Variants in ASTN2 observed in about 807,000 individuals in gnomAD.
The protein encoded by ASTN2 is astrotactin-2.
Under a neutral mutation model 139.8 loss-of-function variants are expected in ASTN2, and 54 were observed. That is an observed-to-expected ratio of 0.39 (90% CI 0.31 to 0.48). The LOEUF is 0.48. ASTN2 is among the 20% of genes least tolerant of loss of function. ASTN2 has a pLI of 0.95. For missense variants in ASTN2, 1,565 were observed against 1,725.1 expected (o/e 0.91, Z 1.64); for synonymous variants, 756 against 719.5 (o/e 1.05, Z -0.81).
chr9:116,978,433 T>C (rs1365821675), intron 7 of ASTN2, among the ~76,000 whole-genome samples: 1 of 152,000 alleles, frequency 6.6e-6, no homozygotes, highest in East Asian at 1.9e-4. Context: ...GTAATCACAT[T>C]ATCTCATTAT....
At chr9:116,485,739 C>T (rs976977139) in intron 20 of ASTN2, among the ~76,000 whole-genome samples, 3 of 152,160 alleles carry the variant, frequency 2.0e-5, no homozygotes, top group Admixed American at 6.5e-5. Flanking sequence ...TTCACTGCCC[C>T]CCAGGTGACT....
chr9:116,899,347 A>ATGGGC (rs1833951883), intron 10 of ASTN2, among the ~76,000 whole-genome samples: 2 of 152,272 alleles, frequency 1.3e-5, no homozygotes, highest in African/African-American at 4.8e-5. Flanking sequence ...TTGCTTTTAC[A>ATGGGC]TGGGCTGTTT....
chr9:116,457,297 G>T (rs1370081239), intron 20 of ASTN2, among the ~76,000 whole-genome samples: 3 of 152,086 alleles, frequency 2.0e-5, no homozygotes, highest in South Asian at 4.1e-4. Flanking sequence ...TCTGAGCAAA[G>T]ATTTCTTGAG....
chr9:117,103,789 C>A (rs1564427146), intron 4 of ASTN2, among the ~76,000 whole-genome samples: 1 of 152,110 alleles, frequency 6.6e-6, no homozygotes, highest in Non-Finnish European at 1.5e-5. Flanking sequence ...CCCATCTGAC[C>A]CCCAACCATC....
intron 5 of ASTN2, among the ~76,000 whole-genome samples, chr9:117,045,072 A>T (rs1838692068): frequency 6.6e-6 from 1 of 152,114 alleles, no homozygotes; most frequent in Non-Finnish European, 1.5e-5. Flanking sequence ...TCATGTAGAA[A>T]GTGTGGCCTT....
At chr9:116,986,081 G>A (rs536515676) in intron 7 of ASTN2, among the ~76,000 whole-genome samples, 1 of 152,230 alleles carries the variant, frequency 6.6e-6, no homozygotes, top group African/African-American at 2.4e-5. Flanking sequence ...CAGACGTGTA[G>A]GCAGCACTTG....
At chr9:116,943,942 C>T (rs1188528423) in intron 10 of ASTN2, among the ~76,000 whole-genome samples, 2 of 152,008 alleles carry the variant, frequency 1.3e-5, no homozygotes, top group African/African-American at 4.8e-5. Flanking sequence ...CAAAGTTCTG[C>T]CCTCCAAGAG....
intron 6 of ASTN2, among the ~76,000 whole-genome samples, chr9:117,014,907 G>T (rs116475851): frequency 0.016 from 2,459 of 152,266 alleles, 74 homozygotes; most frequent in African/African-American, 0.057. Context: ...CTAACCTCCA[G>T]AAATATGAGA....
chr9:117,205,867 T>C (rs915705649), intron 3 of ASTN2, among the ~76,000 whole-genome samples: 3 of 152,114 alleles, frequency 2.0e-5, no homozygotes, highest in Non-Finnish European at 2.9e-5. Context: ...TAAAGGAAAA[T>C]AGCTAAATTC....
chr9:117,144,660 G>GTTTTTTTTTTTTTTTTTTTTTT (rs71379267), intron 3 of ASTN2, among the ~76,000 whole-genome samples: 1 of 78,350 alleles, frequency 1.3e-5, no homozygotes, highest in African/African-American at 6.0e-5. Context: ...GTGAACACTA[G>GTTTTTTTTTTTTTTTTTTTTTT]TTTTTTTTTT....
Position 116,867,261 on chromosome 9 carries a change from C to G in ASTN2, c.1890-3528G>C, listed in dbSNP as rs546029877. ...AAACAGAACAAATGTGTAAGTGTGC[C>G]GAGGAGAGGGAGAGAAGGTGGGAGG... On this transcript the variant is annotated intron_variant, in intron 10 of 22. Coordinates refer to ENST00000313400, the MANE Select transcript of ASTN2 (RefSeq NM_001365068.1). Among the ~76,000 whole-genome samples the G allele has an allele frequency of 2.0e-5, 3 of 151,404 alleles. No homozygotes were observed. The South Asian group carries it at 6.3e-4, about 32-fold the overall frequency.
chr9:116,698,169 G>A lies in ASTN2; in HGVS notation c.2806+27602C>T, dbSNP rs1588215713. ...TACACTCCCTGTCAAAGAAGCAGCTGAGGAGCGGCGTCGGGACTTTGGAGA... is the reference window on the plus strand; with the variant it reads ...TACACTCCCTGTCAAAGAAGCAGCTAAGGAGCGGCGTCGGGACTTTGGAGA... On this transcript the variant is annotated intron_variant, in intron 16 of 22. Transcript: ENST00000313400. The surrounding 1 kb of genome is among the most constrained non-coding windows in gnomAD (Gnocchi z 4.4). The A allele has an allele frequency of 6.2e-7, 1 of 1,614,194 alleles. No homozygotes were observed. The highest frequency in any genetic ancestry group is 8.5e-7 in the Non-Finnish European group (1 of 1,180,048).
intron 10 of ASTN2, among the ~76,000 whole-genome samples, chr9:116,904,737 A>G (rs1234007596): frequency 6.6e-6 from 1 of 152,222 alleles, no homozygotes; most frequent in Non-Finnish European, 1.5e-5. Context: ...TGCAGCAGAA[A>G]GACCTAGGCC....
At chr9:116,539,441 T>C (rs1851787597) in intron 19 of ASTN2, among the ~76,000 whole-genome samples, 1 of 151,506 alleles carries the variant, frequency 6.6e-6, no homozygotes, top group South Asian at 2.1e-4. Flanking sequence ...AGGACAATAG[T>C]ATATGGAAAA....
At chr9:117,339,388 C>A (rs1828991160) in intron 1 of ASTN2, among the ~76,000 whole-genome samples, 1 of 152,092 alleles carries the variant, frequency 6.6e-6, no homozygotes, top group Non-Finnish European at 1.5e-5. Flanking sequence ...GGCAAGGTCA[C>A]CCTGTCCCAC....
intron 11 of ASTN2, among the ~76,000 whole-genome samples, chr9:116,827,835 C>A (rs1431892555): frequency 6.6e-6 from 1 of 152,138 alleles, no homozygotes; most frequent in Non-Finnish European, 1.5e-5. Flanking sequence ...CACCAATTTT[C>A]CTGAAACAAT....
intron 1 of ASTN2, among the ~76,000 whole-genome samples, chr9:117,403,408 C>A (rs1263382976): frequency 6.6e-6 from 1 of 152,164 alleles, no homozygotes; most frequent in Non-Finnish European, 1.5e-5. Context: ...AATAGGGAAT[C>A]CAGAATGTTT....
intron 3 of ASTN2, among the ~76,000 whole-genome samples, chr9:117,146,098 C>G (rs1344225734): frequency 1.3e-5 from 2 of 152,102 alleles, no homozygotes; most frequent in African/African-American, 4.8e-5. Context: ...TCTCCATGGC[C>G]AATTTCATCC....
chr9:117,268,420 A>C (rs1564116833), intron 2 of ASTN2, among the ~76,000 whole-genome samples: 1 of 152,194 alleles, frequency 6.6e-6, no homozygotes, highest in Admixed American at 6.5e-5. Context: ...ACTGAAGTTC[A>C]AATCCAAGGC....
Sources: gnomAD v4.1 joint callset for allele counts (sites outside exome capture counted in the v4.1 genomes callset) on GRCh38, gnomAD v4.1.1 for gene constraint, Gnocchi (gnomAD v3.1) non-coding constraint, MANE v1.5 for transcripts, NCBI Gene and HGNC (gene_info 2026-07-23, HGNC 2026-07-21) for gene names.